The following PCCA variants were observed in gnomAD, a reference collection of about 807,000 sequenced individuals.
The protein encoded by PCCA is propionyl-CoA carboxylase subunit alpha.
PCCA carries 74 observed loss-of-function variants against 101.3 expected under a neutral mutation model. The observed-to-expected ratio is 0.73, with a 90% CI of 0.61 to 0.89. PCCA has a LOEUF of 0.89. Ranked by LOEUF, PCCA falls within the 40% of genes least tolerant of loss-of-function variation. The pLI, the probability that PCCA is intolerant of heterozygous loss-of-function variation, is 0.00. For missense variants in PCCA, 891 were observed against 907.0 expected (o/e 0.98, Z 0.23); for synonymous variants, 294 against 313.6 (o/e 0.94, Z 0.66).
intron 19 of PCCA, among the ~76,000 whole-genome samples, chr13:100,403,157 T>C (rs2077467931): frequency 6.6e-6 from 1 of 152,094 alleles, no homozygotes; most frequent in African/African-American, 2.4e-5. Context: ...TTTTCTTGTT[T>C]GATGGGATTG....
intron 6 of PCCA, among the ~76,000 whole-genome samples, chr13:100,182,377 C>A (rs1368535660): frequency 6.6e-6 from 1 of 152,078 alleles, no homozygotes; most frequent in Non-Finnish European, 1.5e-5. Context: ...GATTACAGCA[C>A]TGTGCCTGGC....
chr13:100,235,808 G>A (rs528451469), intron 7 of PCCA, 34 bp from the exon 8 acceptor site: 1 of 1,530,372 alleles, frequency 6.5e-7, no homozygotes, highest in Non-Finnish European at 9.1e-7. Flanking sequence ...TGCCTCATGG[G>A]ATTAATGTTG....
At chr13:100,108,770 A>T (rs1297925069) in intron 2 of PCCA, among the ~76,000 whole-genome samples, 2 of 152,234 alleles carry the variant, frequency 1.3e-5, no homozygotes, top group East Asian at 3.8e-4. Context: ...TTGTATGCAT[A>T]TTCTTTTATA....
chr13:100,296,416 A>AT (rs764824813), intron 12 of PCCA, among the ~76,000 whole-genome samples: 5,826 of 134,646 alleles, frequency 0.043, 229 homozygotes, highest in African/African-American at 0.1. Flanking sequence ...ATTTTTTTGT[A>AT]TTTTTTTTTT....
chr13:100,485,032 C>T (rs982159371), intron 21 of PCCA, among the ~76,000 whole-genome samples: 1 of 152,186 alleles, frequency 6.6e-6, no homozygotes, highest in Non-Finnish European at 1.5e-5. Context: ...GACTCTCCCT[C>T]CCTTCCTGCC....
At chr13:100,305,135 A>G (rs1394390867) in intron 14 of PCCA, among the ~76,000 whole-genome samples, 7 of 152,344 alleles carry the variant, frequency 4.6e-5, no homozygotes, top group African/African-American at 1.7e-4. Flanking sequence ...TAAATAGTAA[A>G]TTATAAAGCA....
intron 21 of PCCA, among the ~76,000 whole-genome samples, chr13:100,496,653 T>G (rs1485915636): frequency 2.0e-5 from 3 of 152,144 alleles, no homozygotes; most frequent in Non-Finnish European, 2.9e-5. Flanking sequence ...CTTTTTCCAT[T>G]TATCTGGTAA....
At chr13:100,517,707 T>C (rs2086941137) in intron 22 of PCCA, among the ~76,000 whole-genome samples, 1 of 152,164 alleles carries the variant, frequency 6.6e-6, no homozygotes, top group Admixed American at 6.5e-5. Flanking sequence ...TATTTGTCTT[T>C]TTTGGTACTT....
Position 100,325,249 on chromosome 13 carries a change from T to TTC in PCCA, c.1430-5311_1430-5310dup, listed in dbSNP as rs1168667129. On this transcript the variant is annotated intron_variant, in intron 16 of 23. Transcript: ENST00000376285. ...GTACAGGATTACTATAAGAAAGGCATTCCCATAGACTCGAATATGACTGTC... is the reference window on the plus strand; with the variant it reads ...GTACAGGATTACTATAAGAAAGGCATTCTCCCATAGACTCGAATATGACTGTC... Among the ~76,000 whole-genome samples the TTC allele has an allele frequency of 5.3e-5, 8 of 152,180 alleles. No homozygotes were observed. In the East Asian group the frequency reaches 1.5e-3, roughly 29 times the overall value.
At chr13:100,423,970 G>C (rs1347830261) in intron 19 of PCCA, among the ~76,000 whole-genome samples, 2 of 152,198 alleles carry the variant, frequency 1.3e-5, no homozygotes, top group African/African-American at 4.8e-5. Flanking sequence ...GCCTTGAGGA[G>C]GCTTCTCCTG....
intron 21 of PCCA, among the ~76,000 whole-genome samples, chr13:100,509,930 T>G (rs1162597278): frequency 6.6e-6 from 1 of 152,206 alleles, no homozygotes; most frequent in African/African-American, 2.4e-5. Flanking sequence ...CAGAAACATC[T>G]GCTTCAGGTA....
chr13:100,352,026 A>T (rs1268402008), intron 18 of PCCA, among the ~76,000 whole-genome samples: 1 of 152,230 alleles, frequency 6.6e-6, no homozygotes, highest in Non-Finnish European at 1.5e-5. Context: ...TAGTATTAGT[A>T]AAAGAAAAGT....
chr13:100,415,653 T>A (rs2078314502), intron 19 of PCCA, among the ~76,000 whole-genome samples: 1 of 152,212 alleles, frequency 6.6e-6, no homozygotes, highest in South Asian at 2.1e-4. Flanking sequence ...TATTTTATAT[T>A]TTCACTCTGC....
chr13:100,099,313 A>ATGT, intron 1 of PCCA, among the ~76,000 whole-genome samples: 4 of 144,530 alleles, frequency 2.8e-5, no homozygotes, highest in African/African-American at 1.1e-4. Flanking sequence ...GTGCTATCTA[A>ATGT]TCTTTTTTTT....
chr13:100,226,595 C>T (rs909469320), intron 7 of PCCA, among the ~76,000 whole-genome samples: 2 of 152,100 alleles, frequency 1.3e-5, no homozygotes, highest in Non-Finnish European at 2.9e-5. Flanking sequence ...CCAGCAATAC[C>T]GAGTTCGTAG....
chr13:100,238,668 A>C lies in PCCA; in HGVS notation c.637+2790A>C, dbSNP rs2060952138. Among the ~76,000 whole-genome samples the C allele has an allele frequency of 3.3e-5, 5 of 152,312 alleles. No individual in the cohort carries two copies. In the South Asian group the frequency reaches 1.0e-3, roughly 32 times the overall value. ...AGAATTTCTCTGAAAATCTCTTCTGAATCACCTCAGAAGCCTCGCATAAAA... is the reference window on the plus strand; with the variant it reads ...AGAATTTCTCTGAAAATCTCTTCTGCATCACCTCAGAAGCCTCGCATAAAA... On this transcript the variant is annotated intron_variant, in intron 8 of 23. Coordinates refer to ENST00000376285, the MANE Select transcript of PCCA (RefSeq NM_000282.4).
chr13:100,283,204 A>C (rs899287120), intron 12 of PCCA, among the ~76,000 whole-genome samples: 1 of 152,202 alleles, frequency 6.6e-6, no homozygotes, highest in Non-Finnish European at 1.5e-5. Context: ...ATGCGGCTTT[A>C]GCTGCAGCCC....
intron 6 of PCCA, among the ~76,000 whole-genome samples, chr13:100,208,520 G>A (rs577585829): frequency 1.3e-5 from 2 of 152,254 alleles, no homozygotes; most frequent in African/African-American, 4.8e-5. Context: ...AGTTCTTTAT[G>A]TAATGACTTC....
intron 6 of PCCA, among the ~76,000 whole-genome samples, chr13:100,201,277 T>G (rs543701635): frequency 6.6e-6 from 1 of 152,242 alleles, no homozygotes; most frequent in African/African-American, 2.4e-5. Flanking sequence ...CTTTTGTCAT[T>G]TTAGTTTCCT....
Sources: gnomAD v4.1 joint callset for allele counts (sites outside exome capture counted in the v4.1 genomes callset) on GRCh38, gnomAD v4.1.1 for gene constraint, MANE v1.5 for transcripts, NCBI Gene and HGNC (gene_info 2026-07-23, HGNC 2026-07-21) for gene names.